The following PDE4D variants were observed in gnomAD, a reference collection of about 807,000 sequenced individuals.
PDE4D encodes the protein phosphodiesterase 4D.
PDE4D carries 24 observed loss-of-function variants against 87.4 expected under a neutral mutation model. The observed-to-expected ratio is 0.27, with a 90% CI of 0.20 to 0.39. The LOEUF (loss-of-function observed/expected upper bound fraction) is 0.39. Ranked by LOEUF, PDE4D falls within the 10% of genes least tolerant of loss-of-function variation. PDE4D has a pLI of 1.00. For missense variants in PDE4D, 714 were observed against 1,041.0 expected (o/e 0.69, Z 4.32); for synonymous variants, 384 against 383.2 (o/e 1.00, Z -0.02).
At chr5:59,813,741 T>C (rs1055449201) in intron 1 of PDE4D, among the ~76,000 whole-genome samples, 3 of 152,180 alleles carry the variant, frequency 2.0e-5, no homozygotes, top group Admixed American at 6.5e-5. Context: ...TAAAATCAAA[T>C]TGCAAATTTT....
At chr5:59,369,719 G>A (rs929394996) in intron 1 of PDE4D, among the ~76,000 whole-genome samples, 7 of 152,024 alleles carry the variant, frequency 4.6e-5, no homozygotes, top group African/African-American at 9.7e-5. Flanking sequence ...TTCTGTAAAC[G>A]GTCTCAGCAG....
At chr5:59,752,734 A>G (rs1760659243) in intron 1 of PDE4D, among the ~76,000 whole-genome samples, 1 of 152,126 alleles carries the variant, frequency 6.6e-6, no homozygotes, top group Non-Finnish European at 1.5e-5. Flanking sequence ...CCCCACCACA[A>G]AGCATCATTC....
intron 2 of PDE4D, among the ~76,000 whole-genome samples, chr5:60,102,398 C>T (rs1776312978): frequency 6.6e-6 from 1 of 152,122 alleles, no homozygotes; most frequent in Admixed American, 6.6e-5. Context: ...ATCTTTCAAA[C>T]ATCCTGCCAG....
At chr5:60,093,029 T>G (rs1234211951) in intron 2 of PDE4D, among the ~76,000 whole-genome samples, 1 of 152,150 alleles carries the variant, frequency 6.6e-6, no homozygotes, top group Non-Finnish European at 1.5e-5. Context: ...TTACAAGTGG[T>G]TACATATCTG....
chr5:58,996,363 G>A (rs10056637), intron 6 of PDE4D, among the ~76,000 whole-genome samples: 15,355 of 152,162 alleles, frequency 0.1, 1,041 homozygotes, highest in Non-Finnish European at 0.13. Flanking sequence ...CCAAAGAAAA[G>A]AGTCTGCTAA....
intron 1 of PDE4D, among the ~76,000 whole-genome samples, chr5:59,789,359 A>G (rs1765525455): frequency 6.6e-6 from 1 of 152,230 alleles, no homozygotes; most frequent in Admixed American, 6.5e-5. Context: ...CTGGAAAGGC[A>G]ATATGCGTTA....
chr5:60,157,871 C>A (rs940676988), intron 2 of PDE4D, among the ~76,000 whole-genome samples: 1 of 149,742 alleles, frequency 6.7e-6, no homozygotes, highest in Non-Finnish European at 1.5e-5. Flanking sequence ...TTTCTTTTTT[C>A]TTTTCCTTTC....
intron 11 of PDE4D, among the ~76,000 whole-genome samples, chr5:58,981,303 C>A (rs928477755): frequency 6.6e-6 from 1 of 152,152 alleles, no homozygotes; most frequent in Non-Finnish European, 1.5e-5. Context: ...TTCTACCAAA[C>A]AGGCTACAAC....
chr5:60,292,086 C>T (rs1346950317), intron 1 of PDE4D, among the ~76,000 whole-genome samples: 1 of 152,092 alleles, frequency 6.6e-6, no homozygotes, highest in Non-Finnish European at 1.5e-5. Context: ...TGTGTTTGTT[C>T]ATGTTCATAC....
chr5:59,304,023 C>T (rs1770782198), intron 1 of PDE4D, among the ~76,000 whole-genome samples: 1 of 152,146 alleles, frequency 6.6e-6, no homozygotes, highest in African/African-American at 2.4e-5. Flanking sequence ...CATCCATGAT[C>T]ACGGGATGTG....
chr5:59,630,984 G>C (rs548499240), intron 1 of PDE4D, among the ~76,000 whole-genome samples: 1 of 152,204 alleles, frequency 6.6e-6, no homozygotes, highest in Admixed American at 6.5e-5. Flanking sequence ...GGGATAAAAT[G>C]AGGTCATACT....
At chr5:59,422,057 G>C (rs1794563927) in intron 1 of PDE4D, among the ~76,000 whole-genome samples, 1 of 152,026 alleles carries the variant, frequency 6.6e-6, no homozygotes, top group East Asian at 1.9e-4. Context: ...TGCTCAAAAG[G>C]AGACAAGAAC....
chr5:60,497,156 C>T (rs1749849810), intron 1 of PDE4D, among the ~76,000 whole-genome samples: 1 of 152,184 alleles, frequency 6.6e-6, no homozygotes, highest in Admixed American at 6.5e-5. Flanking sequence ...ATACATTTCA[C>T]ATTTCAGTAA....
At chr5:59,636,779 A>C (rs1276006614) in intron 1 of PDE4D, among the ~76,000 whole-genome samples, 3 of 152,170 alleles carry the variant, frequency 2.0e-5, no homozygotes, top group Non-Finnish European at 4.4e-5. Flanking sequence ...ACTTAAACTT[A>C]AGACCTAAAA....
At chr5:59,137,997 G>T (rs930856116) in intron 5 of PDE4D, among the ~76,000 whole-genome samples, 1 of 152,234 alleles carries the variant, frequency 6.6e-6, no homozygotes, top group Non-Finnish European at 1.5e-5. Context: ...GTGCTGTGTT[G>T]TGAAAGGCAC....
intron 3 of PDE4D, among the ~76,000 whole-genome samples, chr5:59,917,347 T>TG (rs1754178518): frequency 3.3e-5 from 5 of 152,050 alleles, no homozygotes; most frequent in Admixed American, 1.3e-4. Context: ...CTGGTCTCAA[T>TG]GGGGAACAAA....
At chr5:59,049,059 T>C (rs954918510) in intron 5 of PDE4D, among the ~76,000 whole-genome samples, 9 of 152,228 alleles carry the variant, frequency 5.9e-5, no homozygotes, top group Admixed American at 5.9e-4. Flanking sequence ...CTTTTTCGGC[T>C]GCTTTTCAAT....
intron 1 of PDE4D, among the ~76,000 whole-genome samples, chr5:59,722,880 T>G (rs1756051304): frequency 6.6e-6 from 1 of 152,164 alleles, no homozygotes; most frequent in African/African-American, 2.4e-5. Context: ...TATATATACA[T>G]GGAATAAACG....
intron 1 of PDE4D, among the ~76,000 whole-genome samples, chr5:59,450,757 C>A (rs778248425): frequency 6.6e-6 from 1 of 152,108 alleles, no homozygotes; most frequent in Non-Finnish European, 1.5e-5. Context: ...ACATCTACTC[C>A]CACAGTCATC....
Sources: gnomAD v4.1 joint callset for allele counts (sites outside exome capture counted in the v4.1 genomes callset) on GRCh38, gnomAD v4.1.1 for gene constraint, MANE v1.5 for transcripts, NCBI Gene and HGNC (gene_info 2026-07-23, HGNC 2026-07-21) for gene names.